MPRIP: variants seen among roughly 807,000 people sequenced by gnomAD.
MPRIP encodes the protein myosin phosphatase Rho-interacting protein.
Under a neutral mutation model 234.9 loss-of-function variants are expected in MPRIP, and 59 were observed. The observed-to-expected ratio is 0.25, with a 90% CI of 0.20 to 0.31. MPRIP has a LOEUF of 0.31. Ranked by LOEUF, MPRIP falls within the 10% of genes least tolerant of loss-of-function variation. The pLI is 1.00. For synonymous variants in MPRIP, 1,144 were observed against 1,263.9 expected (o/e 0.91, Z 2.01); for missense variants, 2,436 against 3,071.0 (o/e 0.79, Z 4.89).
chr17:17,146,699 G>T (rs906711001), intron 10 of MPRIP, among the ~76,000 whole-genome samples: 2 of 152,218 alleles, frequency 1.3e-5, no homozygotes, highest in Admixed American at 1.3e-4. Context: ...AAAGCCTGCT[G>T]GGTCCTTACC....
In MPRIP at chr17:17,057,851, A is replaced by C. The variant is rs1009485745; in HGVS notation, c.123+14880A>C. 1.3e-5 allele frequency: 8 copies of C among 597,172 alleles called. No individual in the cohort carries two copies. In the African/African-American group the frequency reaches 1.5e-4, roughly 11 times the overall value. 37.0% of individuals were successfully genotyped at this position (597,172 alleles called of 1,614,324 possible). On this transcript the variant is annotated intron_variant, in intron 1 of 23. Transcript: ENST00000651222. ...GCTGATATACTCTAATACTTGCAGT[A>C]ATATTTTTTAATAGAATGCAATATT...
chr17:17,118,590 G>A (rs2090330019), intron 3 of MPRIP, among the ~76,000 whole-genome samples: 2 of 152,196 alleles, frequency 1.3e-5, no homozygotes, highest in Non-Finnish European at 2.9e-5. Context: ...TGAACCATGA[G>A]GACTGTGGAG....
At chr17:17,127,664 A>G (rs569753283) in intron 4 of MPRIP, among the ~76,000 whole-genome samples, 5 of 152,356 alleles carry the variant, frequency 3.3e-5, no homozygotes, top group Admixed American at 3.3e-4. Flanking sequence ...TAAGGCTGAG[A>G]AGGAGGCACA....
At chr17:17,098,100 T>G (rs961703407) in intron 3 of MPRIP, among the ~76,000 whole-genome samples, 1 of 152,060 alleles carries the variant, frequency 6.6e-6, no homozygotes, top group African/African-American at 2.4e-5. Context: ...GCTGGGGGTG[T>G]CCTGCTGGGG....
rs2144751477 is a variant in MPRIP at position 17,189,436 on chromosome 17, GTC to G, written c.*4545_*4546del. ...GATTTCCTGACCTCGTGATCCGCCT[GTC>G]TCGGCCTCCCAAAGTGCTGGGATTA... On this transcript the variant is annotated 3_prime_UTR_variant, in exon 24 of 24. Coordinates refer to ENST00000651222, the MANE Select transcript of MPRIP (RefSeq NM_001364716.4). The G allele has an allele frequency of 6.6e-6, 1 of 151,994 alleles. No homozygotes were observed. Among genetic ancestry groups the G allele is most frequent in the Non-Finnish European group, 1.5e-5 (1 of 67,992 alleles). 9.4% of individuals were successfully genotyped at this position (151,994 alleles called of 1,614,324 possible).
intron 1 of MPRIP, among the ~76,000 whole-genome samples, chr17:17,067,942 A>G (rs1016923995): frequency 1.1e-4 from 16 of 151,888 alleles, no homozygotes; most frequent in African/African-American, 3.4e-4. Flanking sequence ...TAATAGTTAT[A>G]TAATCATTTA....
intron 6 of MPRIP, 21 bp from the exon 7 acceptor site, chr17:17,137,895 C>G (rs1261841633): frequency 1.3e-6 from 2 of 1,555,804 alleles, no homozygotes; most frequent in Non-Finnish European, 1.7e-6. Flanking sequence ...TGCGTCTCCT[C>G]CCTCCCACTG....
chr17:17,080,626 A>G (rs75129280), intron 3 of MPRIP, among the ~76,000 whole-genome samples: 1 of 152,192 alleles, frequency 6.6e-6, no homozygotes, highest in African/African-American at 2.4e-5. Flanking sequence ...GGTGGAGGCC[A>G]GGGATGCTAC....
intron 16 of MPRIP, chr17:17,169,163 G>A (rs1036908650): frequency 7.9e-6 from 3 of 382,108 alleles, no homozygotes; most frequent in South Asian, 1.9e-5. Context: ...TGTTTTCAAA[G>A]TGTGTGTATA....
intron 3 of MPRIP, among the ~76,000 whole-genome samples, chr17:17,105,611 G>T (rs1399632313): frequency 1.3e-5 from 2 of 152,224 alleles, no homozygotes; most frequent in Non-Finnish European, 2.9e-5. Flanking sequence ...GCAGAGGAGG[G>T]CAGGCAGTCA....
intron 15 of MPRIP, 122 bp from the exon 16 acceptor site, chr17:17,163,987 G>A: frequency 2.0e-6 from 1 of 512,752 alleles, no homozygotes; most frequent in Non-Finnish European, 3.1e-6. Context: ...AAATAAAGTT[G>A]TACAAAGGAT....
chr17:17,171,912 T>C (rs1271069409), intron 17 of MPRIP, 47 bp downstream of exon 17: 2 of 1,577,998 alleles, frequency 1.3e-6, no homozygotes, highest in East Asian at 2.2e-5. Flanking sequence ...GGCCAGCTTT[T>C]TTTGAGCTAG....
At chr17:17,083,194 A>G (rs1190986666) in intron 3 of MPRIP, among the ~76,000 whole-genome samples, 2 of 152,252 alleles carry the variant, frequency 1.3e-5, no homozygotes, top group African/African-American at 2.4e-5. Context: ...CGGACATAGT[A>G]GAGAAAACAC....
chr17:17,071,370 A>C (rs762733887), intron 1 of MPRIP, among the ~76,000 whole-genome samples: 7 of 152,072 alleles, frequency 4.6e-5, no homozygotes, highest in Non-Finnish European at 8.8e-5. Context: ...CAGTTTCTCC[A>C]GTACCCACTC....
chr17:17,166,458 G>A lies in MPRIP; in HGVS notation c.4867G>A (p.Gly1623Ser). The change falls in exon 16 of 24, where the codon GGT (glycine) becomes AGT (serine). Residue 1623 changes from glycine (G) to serine (S), a missense_variant. Physicochemically the swap from Gly to Ser is moderately conservative, Grantham distance 56. This residue lies in a region of MPRIP where 1,998 missense variants were observed against 2,520.3 expected (regional missense o/e 0.79). Coordinates refer to ENST00000651222, the MANE Select transcript of MPRIP (RefSeq NM_001364716.4). This position sits in a 1 kb window ranked among gnomAD's most constrained non-coding sequence, Gnocchi z 4.4. ...CTGGGCCAGGAAGGTCCTAGTGGATGGTGAGTTCTGGAGCCAGGTTGAGTC... is the reference window on the plus strand; with the variant it reads ...CTGGGCCAGGAAGGTCCTAGTGGATAGTGAGTTCTGGAGCCAGGTTGAGTC... ...DTWARKVLVD[G>S]EFWSQVESLR... The A allele has an allele frequency of 5.4e-6, 7 of 1,304,342 alleles. No individual in the cohort carries two copies. Among genetic ancestry groups the A allele is most frequent in the Non-Finnish European group, 7.1e-6 (7 of 988,958 alleles). The allele number at this position is 1,304,342 out of a possible 1,614,324, so 80.8% of individuals were successfully genotyped here. A position where few individuals can be genotyped will look rare whatever the true frequency, so the allele number is the denominator to read the frequency against.
chr17:17,049,545 C>T (rs1339124486), intron 1 of MPRIP, among the ~76,000 whole-genome samples: 2 of 152,022 alleles, frequency 1.3e-5, no homozygotes, highest in African/African-American at 4.8e-5. Flanking sequence ...AAGGACTCTT[C>T]TTTTATCCTG....
At chr17:17,113,431 T>C (rs1460499214) in intron 3 of MPRIP, among the ~76,000 whole-genome samples, 1 of 152,226 alleles carries the variant, frequency 6.6e-6, no homozygotes, top group Non-Finnish European at 1.5e-5. Context: ...GCACTTAGCA[T>C]AGTGTTTTCA....
chr17:17,121,436 C>T (rs949178621), intron 3 of MPRIP, among the ~76,000 whole-genome samples: 9 of 152,198 alleles, frequency 5.9e-5, no homozygotes, highest in African/African-American at 2.2e-4. Flanking sequence ...TCCTTGTCTG[C>T]GGGATGAGAG....
intron 9 of MPRIP, among the ~76,000 whole-genome samples, chr17:17,144,551 G>A (rs117669294): frequency 1.5e-4 from 23 of 152,284 alleles, no homozygotes; most frequent in Non-Finnish European, 2.8e-4. Context: ...GAAATTACGA[G>A]TTTTTGTTAA....
Sources: allele counts gnomAD v4.1 joint callset (sites outside exome capture counted in the v4.1 genomes callset), GRCh38; gene constraint gnomAD v4.1.1; regional missense constraint gnomAD v4.1.1; non-coding constraint Gnocchi (gnomAD v3.1); transcripts MANE v1.5; gene names NCBI Gene and HGNC (gene_info 2026-07-23, HGNC 2026-07-21).